Variants in KCTD17 observed in about 807,000 individuals in gnomAD.
KCTD17 encodes the protein potassium channel tetramerization domain containing 17, also known as BTB/POZ domain-containing protein KCTD17.
Under a neutral mutation model 41.5 loss-of-function variants are expected in KCTD17, and 20 were observed. That is an observed-to-expected ratio of 0.48 (90% CI 0.34 to 0.70). The LOEUF (loss-of-function observed/expected upper bound fraction) is 0.70. Among genes scored for constraint, KCTD17 ranks in the 30% least tolerant of loss-of-function variants. KCTD17 has a pLI of 0.01. For synonymous variants in KCTD17, 156 were observed against 173.8 expected (o/e 0.90, Z 0.80); for missense variants, 317 against 427.2 (o/e 0.74, Z 2.27).
At position 37,061,593 on chromosome 22, in the gene KCTD17, C is replaced by A; in HGVS notation, c.839C>A (p.Pro280His). 6.2e-7 allele frequency: 1 copy of A among 1,600,814 alleles called. No individual in the cohort carries two copies. The highest frequency in any genetic ancestry group is 8.5e-7 in the Non-Finnish European group (1 of 1,179,568). ...PEAELAVRAS[P>H]RPLARPQSCH... is the part of the protein sequence containing the mutation. ...GCTGAGCTTGCAGTGAGGGCTTCTC[C>A]TCGGCCCCTCGCCCGCCCCCAGAGC... Residue 280 changes from proline to histidine, a missense_variant, in exon 8 of 9, where the codon CCT (proline) becomes CAT (histidine). Coordinates refer to ENST00000403888, the MANE Select transcript of KCTD17 (RefSeq NM_001282684.2). The surrounding 1 kb of genome is among the most constrained non-coding windows in gnomAD (Gnocchi z 6.6).
chr22:37,052,088 CAGG>C (rs1924556568), intron 1 of KCTD17, 139 bp downstream of exon 1: 1 of 1,042,820 alleles, frequency 9.6e-7, no homozygotes, highest in East Asian at 3.4e-5. Context: ...GAAGAAGCGG[CAGG>C]AGGAGGGGAG....
intron 5 of KCTD17, among the ~76,000 whole-genome samples, chr22:37,059,787 C>A (rs1925566126): frequency 6.6e-6 from 1 of 152,232 alleles, no homozygotes; most frequent in Admixed American, 6.5e-5. Flanking sequence ...CCTCTCCCAG[C>A]ACCTTTGCTG....
intron 1 of KCTD17, chr22:37,052,193 G>A: frequency 2.1e-6 from 1 of 485,510 alleles, no homozygotes; most frequent in Non-Finnish European, 3.6e-6. Flanking sequence ...CAGCCGCCCC[G>A]GATCGGGGCC....
chr22:37,052,637 A>C (rs1924628553), intron 1 of KCTD17: 1 of 470,832 alleles, frequency 2.1e-6, no homozygotes, highest in Admixed American at 2.3e-5. Context: ...CTCTCTGTAG[A>C]GTCGCATGGA....
chr22:37,057,604 C>A, intron 4 of KCTD17, 111 bp downstream of exon 4: 2 of 768,838 alleles, frequency 2.6e-6, no homozygotes, highest in South Asian at 1.6e-5. Context: ...CCACCACAGT[C>A]TCCCCCAACC....
rs150904187 is a variant in KCTD17, at chr22:37,056,336, C to T, written c.315C>T (p.Ala105=). ...DMAEEGVLEE[A]EFYNIGPLIR... ...CTGTGCCAGGGGTCCTGGAGGAAGC[C>T]GAGTTCTACAACATCGGCCCGCTGA... is the stretch of plus-strand genomic sequence containing the variant. The change falls in exon 3 of 9, where the codon GCC becomes GCT. Residue 105 remains alanine (A), a synonymous_variant. Transcript: ENST00000403888. 3.7e-6 allele frequency: 6 copies of T among 1,613,324 alleles called. No homozygotes were observed. Among genetic ancestry groups the T allele is most frequent in the African/African-American group, 1.3e-5 (1 of 75,018 alleles).
In KCTD17 at chr22:37,053,127, C is replaced by T. The variant is rs1308166997; in HGVS notation, c.217C>T (p.Arg73Cys). The stretch of plus-strand genomic sequence containing the variant: ...TGAGACCGGGGCCTACCTCATTGAC[C>T]GTGACCCCACCTACTTCGGGCCCAT... Reference protein sequence around the residue: ...RDETGAYLIDRDPTYFGPILN... With the variant: ...RDETGAYLIDCDPTYFGPILN... Residue 73 changes from arginine (R) to cysteine (C), a missense_variant, in exon 2 of 9, where the codon CGT becomes TGT. By Grantham distance (180) the Arg-to-Cys change is radical. Coordinates refer to ENST00000403888, the MANE Select transcript of KCTD17 (RefSeq NM_001282684.2). The surrounding 1 kb of genome is among the most constrained non-coding windows in gnomAD (Gnocchi z 4.1). The T allele has an allele frequency of 1.9e-6, 3 of 1,598,508 alleles. No homozygotes were observed. The highest frequency in any genetic ancestry group is 2.6e-6 in the Non-Finnish European group (3 of 1,172,682).
intron 5 of KCTD17, among the ~76,000 whole-genome samples, chr22:37,059,969 C>T (rs906408010): frequency 6.6e-6 from 1 of 152,238 alleles, no homozygotes; most frequent in Admixed American, 6.5e-5. Context: ...TCCCAGGCCC[C>T]CTCCTTGGCT....
chr22:37,061,756 C>T lies in KCTD17; in HGVS notation c.875+127C>T. 2.1e-6 allele frequency: 3 copies of T among 1,451,364 alleles called. No individual in the cohort carries two copies. In the South Asian group the frequency reaches 4.1e-5, roughly 20 times the overall value. The allele number at this position is 1,451,364 out of a possible 1,614,324, so 89.9% of individuals were successfully genotyped here. ...ACCAAAGTTTCTCATCCGACCTTGG[C>T]CTTGGGGGTGAGGCTCTGAGAGGAG... On this transcript the variant is annotated intron_variant, in intron 8 of 8. Transcript: ENST00000403888. This position sits in a 1 kb window ranked among gnomAD's most constrained non-coding sequence, Gnocchi z 6.6.
chr22:37,055,665 C>G (rs1925017402), intron 2 of KCTD17, among the ~76,000 whole-genome samples: 2 of 152,170 alleles, frequency 1.3e-5, no homozygotes, highest in South Asian at 4.2e-4. Flanking sequence ...CTCCTCATAT[C>G]CCTGGACTTG....
chr22:37,054,011 G>C (rs1304273142), intron 2 of KCTD17, among the ~76,000 whole-genome samples: 1 of 152,192 alleles, frequency 6.6e-6, no homozygotes, highest in African/African-American at 2.4e-5. Flanking sequence ...TTCAATGGGG[G>C]CGGTGATCTG....
chr22:37,052,207 CCTT>C (rs968761225), intron 1 of KCTD17: 8 of 469,348 alleles, frequency 1.7e-5, no homozygotes, highest in Non-Finnish European at 2.6e-5. Flanking sequence ...CGGGGCCTCT[CCTT>C]CTCCTTTGGG....
chr22:37,062,062 C>G, intron 8 of KCTD17: 1 of 982,438 alleles, frequency 1.0e-6, no homozygotes, highest in Non-Finnish European at 1.2e-6. Context: ...CTATCCCACT[C>G]TTTTCTGCCT....
chr22:37,059,614 GC>G (rs1925544430), intron 5 of KCTD17, 176 bp downstream of exon 5: 1 of 752,336 alleles, frequency 1.3e-6, no homozygotes. Flanking sequence ...CGTTACCCAG[GC>G]CCAGGCTGGG....
chr22:37,062,399 T>G, intron 8 of KCTD17, 126 bp from the exon 9 acceptor site: 1 of 1,116,720 alleles, frequency 9.0e-7, no homozygotes. Context: ...CTCAACTGCC[T>G]CTCTCTCTCT....
At chr22:37,062,310 G>C (rs938679210) in intron 8 of KCTD17, 1 of 984,948 alleles carries the variant, frequency 1.0e-6, no homozygotes, top group Non-Finnish European at 1.2e-6. Context: ...GGGAGCCCTT[G>C]CTGCTCCCCC....
intron 1 of KCTD17, chr22:37,052,366 TG>T: frequency 2.6e-6 from 1 of 379,706 alleles, no homozygotes; most frequent in Non-Finnish European, 5.3e-6. Flanking sequence ...GGAGGAGCCC[TG>T]GGGCGCCTTC....
intron 5 of KCTD17, 64 bp downstream of exon 5, chr22:37,059,502 T>C: frequency 1.3e-6 from 2 of 1,534,002 alleles, no homozygotes; most frequent in Non-Finnish European, 1.8e-6. Flanking sequence ...CCTCCCCGCC[T>C]GTCCCGCCCC....
At chr22:37,054,460 G>T (rs1470392886) in intron 2 of KCTD17, among the ~76,000 whole-genome samples, 1 of 151,920 alleles carries the variant, frequency 6.6e-6, no homozygotes, top group Non-Finnish European at 1.5e-5. Flanking sequence ...GGGCTATCCG[G>T]AGGCTAGGGG....
Sources: allele counts gnomAD v4.1 joint callset (sites outside exome capture counted in the v4.1 genomes callset), GRCh38; gene constraint gnomAD v4.1.1; non-coding constraint Gnocchi (gnomAD v3.1); transcripts MANE v1.5; gene names NCBI Gene and HGNC (gene_info 2026-07-23, HGNC 2026-07-21).